Variants in PDE10A observed in about 807,000 individuals in gnomAD.
PDE10A encodes the protein phosphodiesterase 10A, also known as cAMP and cAMP-inhibited cGMP 3',5'-cyclic phosphodiesterase 10A.
Under a neutral mutation model 97.7 loss-of-function variants are expected in PDE10A, and 39 were observed. The ratio of observed to expected loss-of-function variants is 0.40; its 90% CI spans 0.31 to 0.52. The LOEUF (loss-of-function observed/expected upper bound fraction) is 0.52. PDE10A is among the 20% of genes least tolerant of loss of function. The pLI, the probability that PDE10A is intolerant of heterozygous loss-of-function variation, is 0.56. For synonymous variants in PDE10A, 371 were observed against 376.8 expected, an observed-to-expected ratio of 0.98 and a Z score of 0.18; for missense variants, 731 against 1,047.8, an observed-to-expected ratio of 0.70 and a Z score of 4.17.
chr6:165,575,531 C>T (rs1037743983), intron 1 of PDE10A, among the ~76,000 whole-genome samples: 4 of 152,116 alleles, frequency 2.6e-5, no homozygotes, highest in African/African-American at 4.8e-5. Flanking sequence ...GTTATTTCCC[C>T]TTTATGTCTC....
At chr6:165,619,413 T>C (rs375490134) in intron 1 of PDE10A, among the ~76,000 whole-genome samples, 1 of 98,276 alleles carries the variant, frequency 1.0e-5, no homozygotes, top group African/African-American at 4.4e-5. Flanking sequence ...TGTAGTCTAG[T>C]GTAGTGTAGT....
At chr6:165,692,084 T>C (rs1791316141) in intron 1 of PDE10A, among the ~76,000 whole-genome samples, 1 of 152,198 alleles carries the variant, frequency 6.6e-6, no homozygotes, top group South Asian at 2.1e-4. Context: ...AGTACCTAAT[T>C]AGTCACAGGG....
intron 1 of PDE10A, among the ~76,000 whole-genome samples, chr6:165,816,155 T>C (rs1383063962): frequency 2.0e-5 from 3 of 152,100 alleles, no homozygotes; most frequent in Non-Finnish European, 4.4e-5. Flanking sequence ...TTCACCGTGT[T>C]AGCCAGGATG....
chr6:165,764,696 T>A (rs902855681), intron 1 of PDE10A, among the ~76,000 whole-genome samples: 1 of 151,784 alleles, frequency 6.6e-6, no homozygotes, highest in Non-Finnish European at 1.5e-5. Context: ...GGCTCAGGAG[T>A]GAAGCTGCAG....
At chr6:165,877,740 A>C (rs1781381744) in intron 1 of PDE10A, among the ~76,000 whole-genome samples, 1 of 152,184 alleles carries the variant, frequency 6.6e-6, no homozygotes, top group Admixed American at 6.5e-5. Flanking sequence ...AAAAACTGTA[A>C]CAAAATTAAA....
At chr6:165,421,833 C>G (rs1198550951) in intron 10 of PDE10A, among the ~76,000 whole-genome samples, 1 of 152,106 alleles carries the variant, frequency 6.6e-6, no homozygotes, top group Admixed American at 6.6e-5. Context: ...AGGCCAAGCC[C>G]CTTGGACTGC....
chr6:165,719,852 C>A (rs1043231304), intron 1 of PDE10A, among the ~76,000 whole-genome samples: 4 of 152,162 alleles, frequency 2.6e-5, no homozygotes, highest in Non-Finnish European at 4.4e-5. Flanking sequence ...ACAAGTTGTA[C>A]AAGAGAGAAA....
chr6:165,583,404 C>T (rs1049309161), intron 1 of PDE10A, among the ~76,000 whole-genome samples: 2 of 152,230 alleles, frequency 1.3e-5, no homozygotes, highest in Non-Finnish European at 2.9e-5. Flanking sequence ...AAGATACCCA[C>T]ATCCAATCCC....
intron 1 of PDE10A, among the ~76,000 whole-genome samples, chr6:165,700,708 C>T (rs1240007018): frequency 1.3e-5 from 2 of 152,164 alleles, no homozygotes; most frequent in Non-Finnish European, 2.9e-5. Flanking sequence ...AAGTATTGCA[C>T]CACAAGGCTA....
chr6:165,514,627 G>A (rs555753467), intron 2 of PDE10A, among the ~76,000 whole-genome samples: 18 of 152,260 alleles, frequency 1.2e-4, no homozygotes, highest in South Asian at 4.1e-4. Flanking sequence ...GAGCCTGGCC[G>A]GCCCTCCGCT....
intron 1 of PDE10A, among the ~76,000 whole-genome samples, chr6:165,593,798 C>T (rs1369333135): frequency 1.3e-5 from 2 of 152,140 alleles, no homozygotes; most frequent in Non-Finnish European, 2.9e-5. Context: ...ATTCTGAGTA[C>T]GTTAAGGATG....
chr6:165,353,597 T>C (rs1299146713), intron 18 of PDE10A, among the ~76,000 whole-genome samples: 2 of 152,162 alleles, frequency 1.3e-5, no homozygotes, highest in Non-Finnish European at 2.9e-5. Flanking sequence ...TGGAAGAAAC[T>C]TAAATGCATA....
chr6:165,686,509 G>C (rs968312213), intron 1 of PDE10A, among the ~76,000 whole-genome samples: 1 of 152,152 alleles, frequency 6.6e-6, no homozygotes, highest in Admixed American at 6.5e-5. Flanking sequence ...TAGTTCATGG[G>C]TTTTGATTTG....
intron 1 of PDE10A, among the ~76,000 whole-genome samples, chr6:165,915,615 T>A (rs956031101): frequency 1.3e-5 from 2 of 152,104 alleles, no homozygotes; most frequent in African/African-American, 4.8e-5. Context: ...TTTCCAGTGA[T>A]GAGATGAGCC....
upstream of PDE10A, among the ~76,000 whole-genome samples, chr6:165,665,159 T>G (rs773232417): frequency 3.5e-4 from 54 of 152,378 alleles, no homozygotes; most frequent in Non-Finnish European, 7.3e-4. Flanking sequence ...TGGAGTTTAC[T>G]GATTAGCTCT....
chr6:165,619,269 CTAGCGTAGTG>C (rs1787916131), intron 1 of PDE10A, among the ~76,000 whole-genome samples: 1 of 112,812 alleles, frequency 8.9e-6, no homozygotes, highest in Non-Finnish European at 1.8e-5. Flanking sequence ...GTAGTGTAGT[CTAGCGTAGTG>C]TAGTCTAGCA....
intron 1 of PDE10A, among the ~76,000 whole-genome samples, chr6:165,829,413 C>G (rs1779848747): frequency 6.6e-6 from 1 of 152,246 alleles, no homozygotes; most frequent in South Asian, 2.1e-4. Flanking sequence ...AGTCCAATCT[C>G]TAATGGAAAC....
intron 10 of PDE10A, among the ~76,000 whole-genome samples, chr6:165,427,718 T>C (rs519990): frequency 6.6e-6 from 1 of 152,158 alleles, no homozygotes; most frequent in African/African-American, 2.4e-5. Context: ...TAAGTGCTCC[T>C]TGTACCCCTA....
intron 1 of PDE10A, among the ~76,000 whole-genome samples, chr6:165,672,324 C>G (rs746302556): frequency 6.6e-6 from 1 of 152,200 alleles, no homozygotes; most frequent in Non-Finnish European, 1.5e-5. Flanking sequence ...TCAAAATGCA[C>G]TTAATACACC....
Sources: allele counts gnomAD v4.1 joint callset (sites outside exome capture counted in the v4.1 genomes callset), GRCh38; gene constraint gnomAD v4.1.1; transcripts MANE v1.5; gene names NCBI Gene and HGNC (gene_info 2026-07-23, HGNC 2026-07-21).